Variants in SMARCB1 observed in about 807,000 individuals in gnomAD.
SMARCB1 encodes the protein SWI/SNF-related matrix-associated actin-dependent regulator of chromatin subfamily B member 1.
In SMARCB1, 5 loss-of-function variants were observed where a neutral mutation model predicts 49.0. The ratio of observed to expected loss-of-function variants is 0.10; its 90% confidence interval spans 0.05 to 0.21. SMARCB1 has a LOEUF of 0.21. SMARCB1 is among the 10% of genes least tolerant of loss of function. The pLI, the probability that SMARCB1 is intolerant of heterozygous loss-of-function variation, is 1.00. For missense variants in SMARCB1, 226 were observed against 509.2 expected, an observed-to-expected ratio of 0.44 and a Z score of 5.35; for synonymous variants, 201 against 200.1, an observed-to-expected ratio of 1.00 and a Z score of -0.04.
At chr22:23,807,056 C>T (rs958659329) in intron 5 of SMARCB1, among the ~76,000 whole-genome samples, 31 of 152,100 alleles carry the variant, frequency 2.0e-4, no homozygotes, top group Admixed American at 9.2e-4. Context: ...ATGGTGTCAC[C>T]TGGCTTAACA....
chr22:23,813,656 A>G (rs530409230), intron 5 of SMARCB1, among the ~76,000 whole-genome samples: 1 of 152,322 alleles, frequency 6.6e-6, no homozygotes, highest in Non-Finnish European at 1.5e-5. Flanking sequence ...AAGTAGACAT[A>G]TCATATTCAT....
Position 23,837,611 on chromosome 22 carries a change from G to C in SMARCB1, c.*3431G>C. On this transcript the variant is annotated 3_prime_UTR_variant, in exon 9 of 9. Transcript: ENST00000644036. ...CCCCAGGGCATAAGCAGCGTGTCCT[G>C]AGGGGAGTGGCCAGCCTGGGGCGGA... The C allele has an allele frequency of 6.3e-7, 1 of 1,582,868 alleles. No homozygotes were observed. Among genetic ancestry groups the C allele is most frequent in the Non-Finnish European group, 8.6e-7 (1 of 1,160,384 alleles).
chr22:23,804,912 A>C (rs1929399911), intron 5 of SMARCB1, among the ~76,000 whole-genome samples: 1 of 151,466 alleles, frequency 6.6e-6, no homozygotes, highest in South Asian at 2.1e-4. Context: ...GTTTGCTAAA[A>C]CTCCCCCTGC....
intron 3 of SMARCB1, among the ~76,000 whole-genome samples, chr22:23,798,381 T>G (rs1240064125): frequency 1.3e-5 from 2 of 151,954 alleles, no homozygotes; most frequent in African/African-American, 2.4e-5. Flanking sequence ...CTGGGCAACA[T>G]AGTGAGACCC....
At chr22:23,817,675 C>T (rs952824776) in intron 6 of SMARCB1, 19 of 152,386 alleles carry the variant, frequency 1.2e-4, no homozygotes, top group African/African-American at 4.1e-4. Flanking sequence ...CCTCCTGTGA[C>T]TGAGGGATGC....
rs34043573 is a variant in SMARCB1, at chr22:23,802,014, C to T, written c.500+933C>T. On this transcript the variant is annotated intron_variant, in intron 4 of 8. Transcript: ENST00000644036. ...CTTTTCCTCACACAGCAAGTCCAGT[C>T]TCTCCAGGTTCTCCCCTGGGACTGC... 1,129 of 157,920 alleles carry T rather than the reference C, an allele frequency of 7.1e-3. 12 individuals are homozygous for T. The highest frequency in any genetic ancestry group is 0.024 in the African/African-American group (1,017 of 41,542). The allele number at this position is 157,920 out of a possible 1,614,324, so 9.8% of individuals were successfully genotyped here.
intron 5 of SMARCB1, chr22:23,804,023 GT>G (rs1375411944): frequency 6.5e-6 from 1 of 153,880 alleles, no homozygotes; most frequent in Non-Finnish European, 1.4e-5. Context: ...TGCATTTATT[GT>G]TTTCTCTATT....
intron 7 of SMARCB1, among the ~76,000 whole-genome samples, chr22:23,826,651 A>C (rs1405782631): frequency 6.6e-6 from 1 of 152,212 alleles, no homozygotes; most frequent in Non-Finnish European, 1.5e-5. Flanking sequence ...ATGCTACATG[A>C]GGAGCAAATA....
intron 3 of SMARCB1, among the ~76,000 whole-genome samples, chr22:23,795,789 C>T (rs971727874): frequency 1.6e-4 from 22 of 133,960 alleles, no homozygotes; most frequent in African/African-American, 6.0e-4. Context: ...GCTGGAGGTG[C>T]TTTTTTTTTT....
rs1601455856 is a variant in SMARCB1 at position 23,837,252 on chromosome 22, T to C, written c.*3072T>C. 1 of 1,436,024 alleles carries C rather than the reference T, an allele frequency of 7.0e-7. No individual in the cohort carries two copies. The highest frequency in any genetic ancestry group is 9.5e-7 in the Non-Finnish European group (1 of 1,049,468). The allele number at this position is 1,436,024 out of a possible 1,614,324, so 89.0% of individuals were successfully genotyped here. A position where few individuals can be genotyped will look rare whatever the true frequency, so the allele number is the denominator to read the frequency against. On this transcript the variant is annotated 3_prime_UTR_variant, in exon 9 of 9. Transcript: ENST00000644036. The stretch of plus-strand genomic sequence containing the variant: ...GCCCCCATCCACAGCCTGGTGGCCC[T>C]GCAGGCCCCACAGCATGAGTGCCCC...
rs374017529 is a variant in SMARCB1 at position 23,836,986 on chromosome 22, G to C, written c.*2806G>C. The C allele has an allele frequency of 1.9e-6, 3 of 1,602,958 alleles. No homozygotes were observed. In the African/African-American group the frequency reaches 4.0e-5, roughly 22 times the overall value. ...TTCTGTGGGGAGGGGCCCGTGTTGA[G>C]CACAGGCCAGCACAGGTCCCCATCG... On this transcript the variant is annotated 3_prime_UTR_variant, in exon 9 of 9. Transcript: ENST00000644036.
At chr22:23,825,753 C>T (rs1163271006) in intron 7 of SMARCB1, 1 of 329,330 alleles carries the variant, frequency 3.0e-6, no homozygotes, top group African/African-American at 2.1e-5. Flanking sequence ...CTGCTCTTGC[C>T]CAGACTGTTA....
At chr22:23,810,527 CAAAA>C (rs201408640) in intron 5 of SMARCB1, among the ~76,000 whole-genome samples, 6 of 79,572 alleles carry the variant, frequency 7.5e-5, no homozygotes, top group South Asian at 1.2e-3. Flanking sequence ...GACTCTGTCT[CAAAA>C]AAAAAAAAAA....
intron 3 of SMARCB1, 23 bp from the exon 4 acceptor site, chr22:23,800,921 G>A (rs2145977899): frequency 6.3e-7 from 1 of 1,591,944 alleles, no homozygotes; most frequent in Non-Finnish European, 8.6e-7. Context: ...CTGACTGGGA[G>A]GACTTTTCTT....
chr22:23,796,198 AAATG>A (rs1928739585), intron 3 of SMARCB1, among the ~76,000 whole-genome samples: 1 of 152,194 alleles, frequency 6.6e-6, no homozygotes, highest in South Asian at 2.1e-4. Flanking sequence ...TCAAAGAACA[AAATG>A]AATCAGTAAA....
chr22:23,824,241 G>A (rs1343787956), intron 6 of SMARCB1: 2 of 152,260 alleles, frequency 1.3e-5, no homozygotes, highest in African/African-American at 4.8e-5. Flanking sequence ...TCCCCGGAAG[G>A]GCTGGACTCC....
chr22:23,831,162 A>C (rs1294929590), intron 7 of SMARCB1, among the ~76,000 whole-genome samples: 1 of 152,046 alleles, frequency 6.6e-6, no homozygotes, highest in African/African-American at 2.4e-5. Context: ...GGTGACACCA[A>C]GTTTTGGCAT....
chr22:23,802,864 C>T, intron 4 of SMARCB1: 1 of 334,230 alleles, frequency 3.0e-6, no homozygotes, highest in Non-Finnish European at 5.9e-6. Context: ...ACCACTGCTC[C>T]TCACGGAATC....
rs2031175646 is a variant in SMARCB1 at position 23,837,540 on chromosome 22, G to A, written c.*3360G>A. The stretch of plus-strand genomic sequence containing the variant: ...GCAGCTGGGAGGGCAGGAAGATGGG[G>A]ATGGAGCCAGGTGTGAGGAGAACTC... On this transcript the variant is annotated 3_prime_UTR_variant, in exon 9 of 9. Coordinates refer to ENST00000644036, the MANE Select transcript of SMARCB1 (RefSeq NM_003073.5). 1.0e-5 allele frequency: 11 copies of A among 1,075,748 alleles called. No individual in the cohort carries two copies. Among genetic ancestry groups the A allele is most frequent in the Non-Finnish European group, 1.5e-5 (11 of 752,120 alleles). 66.6% of individuals were successfully genotyped at this position (1,075,748 alleles called of 1,614,324 possible).
Sources: gnomAD v4.1 joint callset for allele counts (sites outside exome capture counted in the v4.1 genomes callset) on GRCh38, gnomAD v4.1.1 for gene constraint, MANE v1.5 for transcripts, NCBI Gene and HGNC (gene_info 2026-07-23, HGNC 2026-07-21) for gene names.